ALPK2: variants seen among roughly 807,000 people sequenced by gnomAD.
ALPK2 encodes the protein alpha kinase 2.
A neutral mutation model predicts 163.1 loss-of-function variants in ALPK2; 127 were observed. That is an observed-to-expected ratio of 0.78 (90% CI 0.67 to 0.90). The LOEUF (loss-of-function observed/expected upper bound fraction) is 0.90, where lower values mean the gene tolerates loss of function less well. ALPK2 is among the 40% of genes least tolerant of loss of function. The probability of loss-of-function intolerance (pLI) is 0.00; values close to 1 mark genes in which losing one functional copy is unlikely to be tolerated. For missense variants in ALPK2, 2,360 were observed against 2,589.6 expected, an observed-to-expected ratio of 0.91 and a Z score of 1.92; for synonymous variants, 953 against 959.1, an observed-to-expected ratio of 0.99 and a Z score of 0.12.
chr18:58,519,545 T>TTA (rs2051538828), intron 8 of ALPK2, among the ~76,000 whole-genome samples: 1 of 152,202 alleles, frequency 6.6e-6, no homozygotes, highest in Admixed American at 6.5e-5. Flanking sequence ...GGCCATATGC[T>TTA]TAGAAAGTAG....
At chr18:58,514,758 T>C (rs1177525665) in intron 10 of ALPK2, among the ~76,000 whole-genome samples, 2 of 151,042 alleles carry the variant, frequency 1.3e-5, no homozygotes, top group East Asian at 1.9e-4. Context: ...ATCCATCCAT[T>C]CATTTATTTA....
intron 4 of ALPK2, among the ~76,000 whole-genome samples, chr18:58,560,349 C>T (rs1482474335): frequency 6.6e-6 from 1 of 152,202 alleles, no homozygotes; most frequent in African/African-American, 2.4e-5. Flanking sequence ...TCCATTAAAC[C>T]TCTTTTCTTC....
chr18:58,575,172 C>T (rs1602225362), intron 4 of ALPK2, among the ~76,000 whole-genome samples: 1 of 150,938 alleles, frequency 6.6e-6, no homozygotes, highest in Non-Finnish European at 1.5e-5. Context: ...GAGATCACAC[C>T]ATTGGCCTGG....
chr18:58,524,430 T>G (rs1487670245), intron 6 of ALPK2, among the ~76,000 whole-genome samples: 5 of 152,168 alleles, frequency 3.3e-5, no homozygotes. Context: ...AAACCCAAAC[T>G]TATACAGATA....
chr18:58,543,787 A>G (rs1198428556), intron 4 of ALPK2, among the ~76,000 whole-genome samples: 2 of 152,226 alleles, frequency 1.3e-5, no homozygotes, highest in African/African-American at 4.8e-5. Context: ...TTTGGGGATG[A>G]GAAGTCTCCC....
chr18:58,542,760 G>C (rs2051696407), intron 4 of ALPK2, among the ~76,000 whole-genome samples: 1 of 152,170 alleles, frequency 6.6e-6, no homozygotes, highest in Non-Finnish European at 1.5e-5. Flanking sequence ...AAAAGCAATA[G>C]ACCTCCCTTC....
At chr18:58,545,914 T>C (rs2051715313) in intron 4 of ALPK2, among the ~76,000 whole-genome samples, 1 of 152,138 alleles carries the variant, frequency 6.6e-6, no homozygotes. Flanking sequence ...TGCTGAGCTG[T>C]CACAACAGGC....
rs761357306 is a variant in ALPK2, at chr18:58,579,805, T to C, written c.971A>G (p.Asp324Gly). ...ACATTCCAGATACTCCAGGTCATCA[T>C]CTGAAAACTCCTCGGTGTAGGTTAG... ...ITLTYTEEFS[D>G]DDLEYLECSD... The change falls in exon 4 of 13, where the codon GAT (aspartate) becomes GGT (glycine). Residue 324 changes from aspartate to glycine, a missense_variant. Coordinates refer to ENST00000361673, the MANE Select transcript of ALPK2 (RefSeq NM_052947.4). 6.2e-7 allele frequency: 1 copy of C among 1,614,234 alleles called. No individual in the cohort carries two copies. Among genetic ancestry groups the C allele is most frequent in the Non-Finnish European group, 8.5e-7 (1 of 1,180,034 alleles).
intron 10 of ALPK2, 146 bp from the exon 11 acceptor site, chr18:58,504,294 CT>C (rs1418940619): frequency 3.1e-6 from 2 of 648,626 alleles, no homozygotes; most frequent in Non-Finnish European, 5.3e-6. Context: ...CATCCAATGA[CT>C]TTTTAGTGGG....
intron 10 of ALPK2, among the ~76,000 whole-genome samples, chr18:58,514,600 C>T (rs2051511282): frequency 6.6e-6 from 1 of 152,112 alleles, no homozygotes; most frequent in African/African-American, 2.4e-5. Context: ...TTATTTTCAT[C>T]ATGGGACTAA....
chr18:58,555,282 T>C (rs1421859852), intron 4 of ALPK2, among the ~76,000 whole-genome samples: 1 of 152,210 alleles, frequency 6.6e-6, no homozygotes, highest in African/African-American at 2.4e-5. Flanking sequence ...AACCTGCACT[T>C]CTTTAAAATA....
At chr18:58,582,794 G>A (rs1026510725) in intron 3 of ALPK2, among the ~76,000 whole-genome samples, 1 of 151,824 alleles carries the variant, frequency 6.6e-6, no homozygotes, top group Non-Finnish European at 1.5e-5. Flanking sequence ...ATTTTGAAGT[G>A]GGGGGTGGGG....
In ALPK2 at chr18:58,577,002, G is replaced by A. The variant is rs557249321; in HGVS notation, c.1962+1812C>T. 4.6e-5 allele frequency among the ~76,000 whole-genome samples: 7 copies of A among 152,312 alleles called. No individual in the cohort carries two copies. The South Asian group carries it at 1.0e-3, about 23-fold the overall frequency. Reference sequence around the variant, plus strand: ...GTAATTGCCTTAGTCACACCACAGCGCACAGGTTGGACCTTCAGCTGATAC... The same window carrying A: ...GTAATTGCCTTAGTCACACCACAGCACACAGGTTGGACCTTCAGCTGATAC... On this transcript the variant is annotated intron_variant, in intron 4 of 12. Coordinates refer to ENST00000361673, the MANE Select transcript of ALPK2 (RefSeq NM_052947.4).
intron 9 of ALPK2, among the ~76,000 whole-genome samples, chr18:58,516,344 A>G (rs769553560): frequency 2.6e-5 from 4 of 152,248 alleles, no homozygotes; most frequent in East Asian, 1.9e-4. Flanking sequence ...CTATGACTCA[A>G]TAACACAGAG....
At chr18:58,618,610 TGTAA>T (rs2052182541) in intron 1 of ALPK2, among the ~76,000 whole-genome samples, 1 of 152,244 alleles carries the variant, frequency 6.6e-6, no homozygotes, top group African/African-American at 2.4e-5. Context: ...GTAAGCACTA[TGTAA>T]GTGTTAGCCG....
chr18:58,546,129 G>T (rs111992404), intron 4 of ALPK2, among the ~76,000 whole-genome samples: 27 of 146,554 alleles, frequency 1.8e-4, no homozygotes, highest in Admixed American at 6.7e-5. Context: ...AGGATAACAC[G>T]TAATAGACTG....
chr18:58,611,804 A>G lies in ALPK2; in HGVS notation c.-7T>C, dbSNP rs773122883. On this transcript the variant is annotated 5_prime_UTR_variant, in exon 2 of 13. It removes an upstream start codon present in the reference 5' UTR. Coordinates refer to ENST00000361673, the MANE Select transcript of ALPK2 (RefSeq NM_052947.4). ...GCCCTTCGGAGTCTTTCATCCTTTCATGCCGCACCAAATCTGAAAAAAAAA... is the reference window on the plus strand; with the variant it reads ...GCCCTTCGGAGTCTTTCATCCTTTCGTGCCGCACCAAATCTGAAAAAAAAA... The G allele has an allele frequency of 3.3e-6, 5 of 1,524,082 alleles. No homozygotes were observed. The highest frequency in any genetic ancestry group is 4.3e-5 in the Admixed American group (2 of 46,510). The allele number at this position is 1,524,082 out of a possible 1,614,324, so 94.4% of individuals were successfully genotyped here. A position where few individuals can be genotyped will look rare whatever the true frequency, so the allele number is the denominator to read the frequency against.
At chr18:58,485,693 C>T (rs1328832502) in intron 12 of ALPK2, among the ~76,000 whole-genome samples, 1 of 152,246 alleles carries the variant, frequency 6.6e-6, no homozygotes, top group Non-Finnish European at 1.5e-5. Flanking sequence ...GAAATGTCAG[C>T]TTGTCAGTGT....
intron 4 of ALPK2, among the ~76,000 whole-genome samples, chr18:58,562,502 C>T (rs1602219761): frequency 6.6e-6 from 1 of 152,180 alleles, no homozygotes; most frequent in South Asian, 2.1e-4. Context: ...TCAAAAGAAC[C>T]TAGAGCCTCC....
Sources: allele counts gnomAD v4.1 joint callset (sites outside exome capture counted in the v4.1 genomes callset), GRCh38; gene constraint gnomAD v4.1.1; transcripts MANE v1.5; gene names NCBI Gene and HGNC (gene_info 2026-07-23, HGNC 2026-07-21).